Variants in IGSF21 observed in about 807,000 individuals in gnomAD.
IGSF21 encodes immunoglobin superfamily member 21.
In IGSF21, 28 loss-of-function variants were observed where a neutral mutation model predicts 46.8. The observed-to-expected ratio is 0.60, with a 90% CI of 0.44 to 0.82. IGSF21 has a LOEUF of 0.82. Among genes scored for constraint, IGSF21 ranks in the 40% least tolerant of loss-of-function variants. The probability of loss-of-function intolerance (pLI) is 0.00; values close to 1 mark genes in which losing one functional copy is unlikely to be tolerated. For synonymous variants in IGSF21, 284 were observed against 273.6 expected (o/e 1.04, Z -0.38); for missense variants, 624 against 665.5 (o/e 0.94, Z 0.69).
chr1:18,296,746 C>T (rs1287607677), intron 3 of IGSF21, among the ~76,000 whole-genome samples: 1 of 152,196 alleles, frequency 6.6e-6, no homozygotes, highest in Non-Finnish European at 1.5e-5. Flanking sequence ...GCAGCTGTGA[C>T]CTCCTTGGAG....
intron 1 of IGSF21, among the ~76,000 whole-genome samples, chr1:18,184,267 A>G (rs2086882983): frequency 6.6e-6 from 1 of 152,090 alleles, no homozygotes. Context: ...GAGATATTCC[A>G]ATTTCCTCTT....
chr1:18,362,657 G>C (rs1381761800), intron 5 of IGSF21, among the ~76,000 whole-genome samples: 1 of 152,200 alleles, frequency 6.6e-6, no homozygotes, highest in Non-Finnish European at 1.5e-5. Context: ...AGGTTCACTG[G>C]CATTCCCAGG....
At chr1:18,205,253 G>A (rs1249742514) in intron 1 of IGSF21, among the ~76,000 whole-genome samples, 1 of 152,006 alleles carries the variant, frequency 6.6e-6, no homozygotes, top group Non-Finnish European at 1.5e-5. Context: ...GAAGATTTTT[G>A]TTTTTTTATG....
intron 1 of IGSF21, among the ~76,000 whole-genome samples, chr1:18,181,792 G>A (rs2086860155): frequency 6.6e-6 from 1 of 152,160 alleles, no homozygotes; most frequent in South Asian, 2.1e-4. Context: ...CTTGGCCCAG[G>A]CAGCATTTGG....
At chr1:18,372,258 C>A (rs1400520390) in intron 6 of IGSF21, among the ~76,000 whole-genome samples, 1 of 152,170 alleles carries the variant, frequency 6.6e-6, no homozygotes, top group African/African-American at 2.4e-5. Flanking sequence ...TAAGGCAGTG[C>A]ATACAAAGTG....
At chr1:18,207,634 C>T (rs2084342929) in intron 1 of IGSF21, among the ~76,000 whole-genome samples, 2 of 152,216 alleles carry the variant, frequency 1.3e-5, no homozygotes, top group African/African-American at 4.8e-5. Context: ...TTTAAAACAA[C>T]AGCAGACAAT....
chr1:18,282,175 C>T lies in IGSF21; in HGVS notation c.184-9691C>T, dbSNP rs117251689. ...TGGTGAGGAGTGGGCCTGGGGGTTC[C>T]GGACTGTGTATCCGGTTGTGGTTCC... On this transcript the variant is annotated intron_variant, in intron 2 of 9. Coordinates refer to ENST00000251296, the MANE Select transcript of IGSF21 (RefSeq NM_032880.5). Among the ~76,000 whole-genome samples the T allele has an allele frequency of 3.7e-4, 57 of 152,086 alleles. 1 individual carries two copies. The East Asian group carries it at 7.5e-3, about 20-fold the overall frequency.
intron 2 of IGSF21, among the ~76,000 whole-genome samples, chr1:18,260,835 AC>A (rs1303222328): frequency 6.6e-6 from 1 of 152,020 alleles, no homozygotes; most frequent in Non-Finnish European, 1.5e-5. Flanking sequence ...CCCACCTCCT[AC>A]CTCATTTGGA....
intron 3 of IGSF21, among the ~76,000 whole-genome samples, chr1:18,305,932 G>A (rs939582260): frequency 6.6e-6 from 1 of 152,136 alleles, no homozygotes; most frequent in South Asian, 2.1e-4. Flanking sequence ...GCTAAGACAG[G>A]GGCCAGCCTT....
intron 1 of IGSF21, among the ~76,000 whole-genome samples, chr1:18,221,600 T>C (rs995906593): frequency 5.9e-5 from 9 of 152,154 alleles, no homozygotes; most frequent in Non-Finnish European, 1.2e-4. Context: ...TTTTGCTAAA[T>C]GTATCTGAAC....
intron 3 of IGSF21, among the ~76,000 whole-genome samples, chr1:18,320,405 G>C (rs1261384064): frequency 1.3e-5 from 2 of 152,290 alleles, no homozygotes; most frequent in Admixed American, 6.5e-5. Context: ...GGCTTTTGGT[G>C]GGCTGACCTG....
chr1:18,171,543 G>A (rs969822438), intron 1 of IGSF21, among the ~76,000 whole-genome samples: 1 of 152,186 alleles, frequency 6.6e-6, no homozygotes, highest in Non-Finnish European at 1.5e-5. Context: ...TGGCTCTGCT[G>A]CTCACTAGCC....
At chr1:18,113,783 T>A (rs1283751187) in intron 1 of IGSF21, 1 of 152,008 alleles carries the variant, frequency 6.6e-6, no homozygotes, top group Admixed American at 6.6e-5. Context: ...CTTTGTTGGT[T>A]TCCTGAGACT....
rs75948420 is a variant in IGSF21 at position 18,184,752 on chromosome 1, T to C, written c.71-43146T>C. 4.3e-3 allele frequency among the ~76,000 whole-genome samples: 654 copies of C among 152,294 alleles called. 6 individuals carry two copies. Among genetic ancestry groups the C allele is most frequent in the African/African-American group, 0.015 (619 of 41,556 alleles). On this transcript the variant is annotated intron_variant, in intron 1 of 9. Transcript: ENST00000251296. ...CGTGCACCCTCCCTCCCCCAGCTCC[T>C]CTTGTGACCCACTGGCCACCAGTTA...
chr1:18,209,048 C>T (rs904749253), intron 1 of IGSF21, among the ~76,000 whole-genome samples: 3 of 152,140 alleles, frequency 2.0e-5, no homozygotes, highest in South Asian at 2.1e-4. Flanking sequence ...AAGGTGGGAA[C>T]TTTCTGGGTT....
chr1:18,305,513 A>ATGG (rs61463668), intron 3 of IGSF21, among the ~76,000 whole-genome samples: 55,556 of 127,586 alleles, frequency 0.44, 14,287 homozygotes, highest in East Asian at 0.69. Flanking sequence ...TGGATGGATG[A>ATGG]ATGGATGGAT....
chr1:18,242,451 G>A (rs1299547448), intron 2 of IGSF21, among the ~76,000 whole-genome samples: 1 of 152,194 alleles, frequency 6.6e-6, no homozygotes, highest in Non-Finnish European at 1.5e-5. Context: ...AAGAAAGGAA[G>A]TTGTATTATT....
intron 1 of IGSF21, among the ~76,000 whole-genome samples, chr1:18,182,036 C>T (rs889475711): frequency 1.3e-5 from 2 of 152,160 alleles, no homozygotes; most frequent in African/African-American, 2.4e-5. Flanking sequence ...ATGCCAGGCA[C>T]CCCCATTTGT....
Position 18,148,040 on chromosome 1 carries a change from C to T in IGSF21, c.70+39842C>T, listed in dbSNP as rs371397537. On this transcript the variant is annotated intron_variant, in intron 1 of 9. Coordinates refer to ENST00000251296, the MANE Select transcript of IGSF21 (RefSeq NM_032880.5). Reference sequence around the variant, plus strand: ...ATCTCTTTGCTCTTCCTTCATCTTTCGCCATGATTGTGAGGCCTCCCCAGC... The same window carrying T: ...ATCTCTTTGCTCTTCCTTCATCTTTTGCCATGATTGTGAGGCCTCCCCAGC... 1.1e-4 allele frequency among the ~76,000 whole-genome samples: 17 copies of T among 152,130 alleles called. No individual in the cohort carries two copies. In the East Asian group the frequency reaches 2.1e-3, roughly 19 times the overall value.
Sources: allele counts gnomAD v4.1 joint callset (sites outside exome capture counted in the v4.1 genomes callset), GRCh38; gene constraint gnomAD v4.1.1; transcripts MANE v1.5; gene names NCBI Gene and HGNC (gene_info 2026-07-23, HGNC 2026-07-21).